Variants in SBF2 observed in about 807,000 individuals in gnomAD.
SBF2 encodes SET binding factor 2.
In SBF2, 112 loss-of-function variants were observed where a neutral mutation model predicts 225.2. The observed-to-expected ratio is 0.50, with a 90% confidence interval of 0.43 to 0.58. The LOEUF is 0.58. Ranked by LOEUF, SBF2 falls within the 20% of genes least tolerant of loss-of-function variation. The pLI, the probability that SBF2 is intolerant of heterozygous loss-of-function variation, is 0.00. For missense variants in SBF2, 1,996 were observed against 2,206.2 expected (o/e 0.90, Z 1.91); for synonymous variants, 763 against 773.3 (o/e 0.99, Z 0.22).
intron 1 of SBF2, among the ~76,000 whole-genome samples, chr11:10,226,626 A>G (rs918202572): frequency 2.0e-5 from 3 of 152,136 alleles, no homozygotes; most frequent in Non-Finnish European, 4.4e-5. Context: ...GATGGTTTCT[A>G]GCTTCATCCA....
At chr11:10,277,800 G>A (rs563232408) in intron 1 of SBF2, among the ~76,000 whole-genome samples, 37 of 152,234 alleles carry the variant, frequency 2.4e-4, no homozygotes, top group African/African-American at 8.7e-4. Flanking sequence ...GGAGCCCCTG[G>A]GGCCACCAGA....
intron 2 of SBF2, among the ~76,000 whole-genome samples, chr11:10,114,998 C>T (rs1177307858): frequency 1.3e-5 from 2 of 152,172 alleles, no homozygotes; most frequent in Admixed American, 6.5e-5. Flanking sequence ...GCTCCAGGAG[C>T]TCTCATTAGT....
At chr11:10,006,289 G>A (rs1948187022) in intron 6 of SBF2, among the ~76,000 whole-genome samples, 1 of 152,152 alleles carries the variant, frequency 6.6e-6, no homozygotes, top group Non-Finnish European at 1.5e-5. Flanking sequence ...TGGCTATCTA[G>A]AGACTTAACA....
chr11:9,899,908 G>C (rs1861583924), intron 16 of SBF2, among the ~76,000 whole-genome samples: 1 of 152,124 alleles, frequency 6.6e-6, no homozygotes, highest in Non-Finnish European at 1.5e-5. Flanking sequence ...GGGAGGATGA[G>C]TGGGGAGAGC....
At chr11:10,089,636 A>C (rs1951704359) in intron 2 of SBF2, among the ~76,000 whole-genome samples, 1 of 152,160 alleles carries the variant, frequency 6.6e-6, no homozygotes, top group African/African-American at 2.4e-5. Context: ...ATACCAAAAA[A>C]ACTTGGAAAT....
At chr11:9,870,865 T>G (rs1043309751) in intron 17 of SBF2, among the ~76,000 whole-genome samples, 4 of 151,866 alleles carry the variant, frequency 2.6e-5, no homozygotes, top group Non-Finnish European at 5.9e-5. Flanking sequence ...TCCCAGCTAC[T>G]TGGGAGGCTG....
At chr11:10,172,359 A>T (rs1000510968) in intron 2 of SBF2, among the ~76,000 whole-genome samples, 10 of 148,692 alleles carry the variant, frequency 6.7e-5, no homozygotes, top group African/African-American at 7.4e-5. Flanking sequence ...TCAAAAAAAA[A>T]TTTTTTTTTT....
At chr11:10,123,071 C>G (rs1953555799) in intron 2 of SBF2, among the ~76,000 whole-genome samples, 1 of 152,096 alleles carries the variant, frequency 6.6e-6, no homozygotes, top group Non-Finnish European at 1.5e-5. Context: ...CTTTACCTCT[C>G]CCTGCTTGGT....
chr11:9,858,215 TTC>T lies in SBF2; in HGVS notation c.2100+9_2100+10del. 6.2e-7 allele frequency: 1 copy of T among 1,614,024 alleles called. No homozygotes were observed. Among genetic ancestry groups the T allele is most frequent in the Non-Finnish European group, 8.5e-7 (1 of 1,179,884 alleles). ...ATCCCACACAATTAGAGTTCTTTTC[TTC>T]TCTCTTACCTTTTGCTTCAGATGCG... On this transcript the variant is annotated intron_variant, in intron 18 of 39. Coordinates refer to ENST00000256190, the MANE Select transcript of SBF2 (RefSeq NM_030962.4).
chr11:9,833,832 G>A (rs1280891383), intron 26 of SBF2, among the ~76,000 whole-genome samples: 7 of 147,996 alleles, frequency 4.7e-5, no homozygotes, highest in East Asian at 2.0e-4. Context: ...GTGCAATGGC[G>A]TGATCTCAGC....
chr11:10,157,089 A>C (rs946837634), intron 2 of SBF2, among the ~76,000 whole-genome samples: 3 of 152,186 alleles, frequency 2.0e-5, no homozygotes, highest in Non-Finnish European at 4.4e-5. Context: ...AATGGAACAG[A>C]ACAAGGAACC....
At chr11:9,915,449 A>G (rs77026134) in intron 16 of SBF2, among the ~76,000 whole-genome samples, 1 of 148,944 alleles carries the variant, frequency 6.7e-6, no homozygotes, top group Non-Finnish European at 1.5e-5. Context: ...CCGTCTCAAA[A>G]AAAAAAAAAA....
In SBF2 at chr11:10,108,453, T is replaced by C. The variant is rs554975370; in HGVS notation, c.142-65472A>G. On this transcript the variant is annotated intron_variant, in intron 2 of 39. Transcript: ENST00000256190. ...GATCCAGGGCAGTTTGGGTGCTTGT[T>C]GGAACAAAGTAAGGCACACAGAACC... Among the ~76,000 whole-genome samples the C allele has an allele frequency of 2.0e-5, 3 of 151,708 alleles. No homozygotes were observed. The East Asian group carries it at 5.8e-4, about 29-fold the overall frequency.
chr11:10,257,137 T>C (rs946437477), intron 1 of SBF2, among the ~76,000 whole-genome samples: 1 of 152,172 alleles, frequency 6.6e-6, no homozygotes, highest in African/African-American at 2.4e-5. Flanking sequence ...ATCTAATAAA[T>C]AGCACAACTG....
chr11:10,178,587 GA>G (rs1314777670), intron 2 of SBF2, among the ~76,000 whole-genome samples: 1 of 148,550 alleles, frequency 6.7e-6, no homozygotes, highest in African/African-American at 2.5e-5. Context: ...AAAAACACAT[GA>G]AAAAATGCTC....
chr11:10,184,593 C>A (rs1445606291), intron 2 of SBF2, among the ~76,000 whole-genome samples: 1 of 152,170 alleles, frequency 6.6e-6, no homozygotes, highest in Non-Finnish European at 1.5e-5. Flanking sequence ...ACAATCTATA[C>A]CCACTAAACA....
chr11:10,036,640 C>T (rs1004731739), intron 3 of SBF2, among the ~76,000 whole-genome samples: 2 of 152,096 alleles, frequency 1.3e-5, no homozygotes, highest in African/African-American at 4.8e-5. Context: ...GATGAAATGA[C>T]TTGCCAAGGT....
chr11:10,131,999 C>T (rs1280878369), intron 2 of SBF2, among the ~76,000 whole-genome samples: 1 of 152,156 alleles, frequency 6.6e-6, no homozygotes, highest in Non-Finnish European at 1.5e-5. Flanking sequence ...AAACTTCAGT[C>T]TATTATCCAT....
At position 10,178,729 on chromosome 11, in the gene SBF2, CTT is replaced by C. The variant is rs1956586814; in HGVS notation, c.141+15171_141+15172del. On this transcript the variant is annotated intron_variant, in intron 2 of 39. Coordinates refer to ENST00000256190, the MANE Select transcript of SBF2 (RefSeq NM_030962.4). ...GAGAGGATGTGGAGAAATAGGAACA[CTT>C]TTACACTGTTGGTGGGACTGTAAAC... 2.8e-5 allele frequency among the ~76,000 whole-genome samples: 4 copies of C among 144,168 alleles called. 1 individual carries two copies. In the Admixed American group the frequency reaches 2.8e-4, roughly 10 times the overall value. 94.6% of individuals were successfully genotyped at this position (144,168 alleles called of 152,430 possible).
Sources: allele counts gnomAD v4.1 joint callset (sites outside exome capture counted in the v4.1 genomes callset), GRCh38; gene constraint gnomAD v4.1.1; transcripts MANE v1.5; gene names NCBI Gene and HGNC (gene_info 2026-07-23, HGNC 2026-07-21).